Variants in PRR14L observed in about 807,000 individuals in gnomAD.
PRR14L encodes protein PRR14L.
Under a neutral mutation model 155.0 loss-of-function variants are expected in PRR14L, and 80 were observed. That is an observed-to-expected ratio of 0.52 (90% CI 0.43 to 0.62). The LOEUF is 0.62. Among genes scored for constraint, PRR14L ranks in the 20% least tolerant of loss-of-function variants. The pLI is 0.00. For missense variants in PRR14L, 2,469 were observed against 2,548.0 expected (o/e 0.97, Z 0.67); for synonymous variants, 883 against 916.0 (o/e 0.96, Z 0.65).
At chr22:31,718,738 A>G (rs1212441055) in intron 3 of PRR14L, among the ~76,000 whole-genome samples, 1 of 148,414 alleles carries the variant, frequency 6.7e-6, no homozygotes, top group Non-Finnish European at 1.5e-5. Flanking sequence ...ATATATAAAA[A>G]ACAGGACAAC....
Position 31,712,143 on chromosome 22 carries a change from T to C in PRR14L, c.5696A>G (p.Glu1899Gly), listed in dbSNP as rs1437349322. Reference sequence around the variant, plus strand: ...GTGAGGGGAATGAAGAGAAGAGATTTCGAAGGAGCAGACAGAAGGACCATG... The same window carrying C: ...GTGAGGGGAATGAAGAGAAGAGATTCCGAAGGAGCAGACAGAAGGACCATG... ...SQHGPSVCSFEISSLHSPHCK... is the reference protein window; with the variant it reads ...SQHGPSVCSFGISSLHSPHCK... Residue 1899 changes from glutamate to glycine, a missense_variant, in exon 4 of 9, where the codon GAA (glutamate) becomes GGA (glycine). Around this residue, in one of 2 missense-constraint regions of PRR14L, gnomAD observed 2,363 missense variants for 2,371.6 expected, o/e 1.00. Coordinates refer to ENST00000327423, the MANE Select transcript of PRR14L (RefSeq NM_173566.3). 1 of 1,613,872 alleles carries C rather than the reference T, an allele frequency of 6.2e-7. No individual in the cohort carries two copies. Among genetic ancestry groups the C allele is most frequent in the African/African-American group, 1.3e-5 (1 of 74,864 alleles).
intron 7 of PRR14L, among the ~76,000 whole-genome samples, chr22:31,690,118 C>T: frequency 6.6e-6 from 1 of 152,120 alleles, no homozygotes; most frequent in East Asian, 1.9e-4. Context: ...GGTATCACCA[C>T]ATTGGCCAGA....
chr22:31,712,659 C>T lies in PRR14L; in HGVS notation c.5180G>A (p.Ser1727Asn). ...FPVSFHVKSS[S>N]SDCTTESSRT... is the part of the protein sequence containing the mutation. ...TGAGGACTCAGTCGTGCAATCTGAGCTGGATGATTTCACATGAAAGGATAC... is the reference window on the plus strand; with the variant it reads ...TGAGGACTCAGTCGTGCAATCTGAGTTGGATGATTTCACATGAAAGGATAC... Residue 1727 changes from serine to asparagine, a missense_variant, in exon 4 of 9, where the codon AGC becomes AAC. Transcript: ENST00000327423. The T allele has an allele frequency of 3.9e-6, 6 of 1,551,754 alleles. No homozygotes were observed. Among genetic ancestry groups the T allele is most frequent in the Non-Finnish European group, 5.2e-6 (6 of 1,147,002 alleles).
chr22:31,728,561 G>A lies in PRR14L; in HGVS notation c.475-2951C>T, dbSNP rs567030516. 1.1e-4 allele frequency among the ~76,000 whole-genome samples: 17 copies of A among 151,186 alleles called. 1 individual carries two copies. The highest frequency in any genetic ancestry group is 2.2e-4 in the African/African-American group (9 of 41,166). On this transcript the variant is annotated intron_variant, in intron 2 of 8. Coordinates refer to ENST00000327423, the MANE Select transcript of PRR14L (RefSeq NM_173566.3). ...CCAGGAGGCGGAGGTTGCAGTGAGCGGAGATCGCGCCACTGCACTCCAGCC... is the reference window on the plus strand; with the variant it reads ...CCAGGAGGCGGAGGTTGCAGTGAGCAGAGATCGCGCCACTGCACTCCAGCC...
chr22:31,738,681 A>G lies in PRR14L; in HGVS notation c.180T>C (p.Asn60=). ...TCTGCAGCTCCAAGGGCAATGCCCTATTCTGACTTAAAAGAGAGCTTGAGG... is the reference window on the plus strand; with the variant it reads ...TCTGCAGCTCCAAGGGCAATGCCCTGTTCTGACTTAAAAGAGAGCTTGAGG... ...PGASSSLLSQ[N]RALPLELQRT... is the part of the protein sequence containing the mutation. Residue 60 remains asparagine, a synonymous_variant, in exon 2 of 9, where the codon AAT becomes AAC. Coordinates refer to ENST00000327423, the MANE Select transcript of PRR14L (RefSeq NM_173566.3). 6.4e-7 allele frequency: 1 copy of G among 1,552,034 alleles called. No individual in the cohort carries two copies. Among genetic ancestry groups the G allele is most frequent in the East Asian group, 2.4e-5 (1 of 40,932 alleles).
chr22:31,745,646 G>C (rs1214398682), intron 1 of PRR14L, among the ~76,000 whole-genome samples: 2 of 151,750 alleles, frequency 1.3e-5, no homozygotes, highest in African/African-American at 2.4e-5. Flanking sequence ...AGGAGTTCAA[G>C]ACCAGCCTGG....
At chr22:31,696,089 G>A (rs1052908007) in intron 7 of PRR14L, among the ~76,000 whole-genome samples, 2 of 151,784 alleles carry the variant, frequency 1.3e-5, no homozygotes, top group African/African-American at 2.4e-5. Context: ...ACGAGAACCC[G>A]GCTGTAGGAG....
chr22:31,746,248 CAT>C (rs2147879862), intron 1 of PRR14L, among the ~76,000 whole-genome samples: 1 of 152,254 alleles, frequency 6.6e-6, no homozygotes, highest in South Asian at 2.1e-4. Flanking sequence ...GTATATATTA[CAT>C]ATGTTAAAAT....
chr22:31,720,382 T>C (rs577683265), intron 3 of PRR14L, among the ~76,000 whole-genome samples: 32 of 152,330 alleles, frequency 2.1e-4, no homozygotes, highest in African/African-American at 7.2e-4. Context: ...ATACTTATCA[T>C]TGTGAAATTA....
At position 31,713,432 on chromosome 22, in the gene PRR14L, C is replaced by T. The variant is rs1300571306; in HGVS notation, c.4407G>A (p.Glu1469=). The change falls in exon 4 of 9, where the codon GAG becomes GAA. Residue 1469 remains glutamate, a synonymous_variant. Coordinates refer to ENST00000327423, the MANE Select transcript of PRR14L (RefSeq NM_173566.3). ...AQTQKLEDQK[E]ERLHHPLRKD... ...TCCTTAATGGATGATGTAACCTTTC[C>T]TCCTTCTGGTCTTCTAACTTCTGAG... 4 of 1,551,724 alleles carry T rather than the reference C, an allele frequency of 2.6e-6. No homozygotes were observed. In the East Asian group the frequency reaches 9.8e-5, roughly 38 times the overall value.
chr22:31,728,225 C>T (rs2074728413), intron 2 of PRR14L, among the ~76,000 whole-genome samples: 1 of 152,130 alleles, frequency 6.6e-6, no homozygotes, highest in Non-Finnish European at 1.5e-5. Flanking sequence ...AATAGCCAAT[C>T]ATATGATGAA....
chr22:31,748,733 G>T (rs1450364862), intron 1 of PRR14L, among the ~76,000 whole-genome samples: 1 of 152,186 alleles, frequency 6.6e-6, no homozygotes, highest in Non-Finnish European at 1.5e-5. Context: ...TAACCAGTCA[G>T]GAAGAAGTGA....
At chr22:31,705,234 CTGAG>C (rs2074583859) in intron 4 of PRR14L, among the ~76,000 whole-genome samples, 1 of 151,936 alleles carries the variant, frequency 6.6e-6, no homozygotes, top group African/African-American at 2.4e-5. Flanking sequence ...GCACTTCAGC[CTGAG>C]TATCAGGGCA....
At chr22:31,719,133 T>C (rs12171224) in intron 3 of PRR14L, among the ~76,000 whole-genome samples, 2,794 of 152,146 alleles carry the variant, frequency 0.018, 94 homozygotes, top group African/African-American at 0.062. Flanking sequence ...TTTGATGCAG[T>C]ACCTCACAAT....
At chr22:31,695,133 C>A (rs1048765463) in intron 7 of PRR14L, among the ~76,000 whole-genome samples, 1 of 152,072 alleles carries the variant, frequency 6.6e-6, no homozygotes, top group African/African-American at 2.4e-5. Flanking sequence ...AAATAATATA[C>A]CCCCAAAAAA....
intron 3 of PRR14L, among the ~76,000 whole-genome samples, chr22:31,719,906 T>G (rs976455195): frequency 2.0e-5 from 3 of 152,120 alleles, no homozygotes; most frequent in African/African-American, 2.4e-5. Context: ...CCGGCTAATT[T>G]TTGTACTTTT....
At chr22:31,740,464 C>T (rs927779602) in intron 1 of PRR14L, among the ~76,000 whole-genome samples, 7 of 152,118 alleles carry the variant, frequency 4.6e-5, no homozygotes, top group African/African-American at 7.2e-5. Context: ...GTGATCTGTC[C>T]ACCTCGGCCT....
In PRR14L at chr22:31,738,502, T is replaced by A. The variant is rs2074795177; in HGVS notation, c.359A>T (p.Lys120Met). The A allele has an allele frequency of 2.6e-6, 4 of 1,552,082 alleles. No homozygotes were observed. The South Asian group carries it at 3.6e-5, about 14-fold the overall frequency. Residue 120 changes from lysine (K) to methionine (M), a missense_variant, in exon 2 of 9, where the codon AAG (lysine) becomes ATG (methionine). This residue lies in a region of PRR14L where 2,363 missense variants were observed against 2,371.6 expected (regional missense o/e 1.00). Transcript: ENST00000327423. ...RAKRSESMEPKVFRDPGGQAG... is the reference protein window; with the variant it reads ...RAKRSESMEPMVFRDPGGQAG... ...CTGGCCCCCTGGATCTCTGAAGACCTTTGGCTCCATGCTCTCGCTTCTCTT... is the reference window on the plus strand; with the variant it reads ...CTGGCCCCCTGGATCTCTGAAGACCATTGGCTCCATGCTCTCGCTTCTCTT...
Position 31,732,636 on chromosome 22 carries a change from T to C in PRR14L, c.474+5751A>G, listed in dbSNP as rs138279. On this transcript the variant is annotated intron_variant, in intron 2 of 8. Transcript: ENST00000327423. Reference sequence around the variant, plus strand: ...AGCTTGCACTGGATTTCCTCTGGACTTTGGTCTATGCCTGCTTCCCTTTTG... The same window carrying C: ...AGCTTGCACTGGATTTCCTCTGGACCTTGGTCTATGCCTGCTTCCCTTTTG... Among the ~76,000 whole-genome samples the C allele has an allele frequency of 4.8e-3, 732 of 152,366 alleles. 5 individuals carry two copies. The highest frequency in any genetic ancestry group is 6.8e-3 in the Non-Finnish European group (462 of 68,030).
Sources: allele counts gnomAD v4.1 joint callset (sites outside exome capture counted in the v4.1 genomes callset), GRCh38; gene constraint gnomAD v4.1.1; regional missense constraint gnomAD v4.1.1; transcripts MANE v1.5; gene names NCBI Gene and HGNC (gene_info 2026-07-23, HGNC 2026-07-21).